The following NALF1 variants were observed in gnomAD, a reference collection of about 807,000 sequenced individuals.
NALF1 encodes the protein NALCN channel auxiliary factor 1.
Under a neutral mutation model 48.4 loss-of-function variants are expected in NALF1, and 3 were observed. The ratio of observed to expected loss-of-function variants is 0.06; its 90% CI spans 0.03 to 0.16. NALF1 has a LOEUF of 0.16. Ranked by LOEUF, NALF1 falls within the 10% of genes least tolerant of loss-of-function variation. The pLI, the probability that NALF1 is intolerant of heterozygous loss-of-function variation, is 1.00. For synonymous variants in NALF1, 262 were observed against 245.7 expected (o/e 1.07, Z -0.62); for missense variants, 526 against 571.5 (o/e 0.92, Z 0.81).
At chr13:107,405,064 C>T (rs543362103) in intron 1 of NALF1, among the ~76,000 whole-genome samples, 1 of 152,118 alleles carries the variant, frequency 6.6e-6, no homozygotes, top group Admixed American at 6.6e-5. Context: ...AGGATCTGTG[C>T]ACTTTATAAT....
intron 1 of NALF1, among the ~76,000 whole-genome samples, chr13:107,819,701 C>G (rs926328756): frequency 6.0e-5 from 9 of 149,998 alleles, no homozygotes; most frequent in African/African-American, 2.2e-4. Context: ...CTCTCTCTCT[C>G]TCTCTCTCTC....
At chr13:107,696,623 A>C (rs1460520156) in intron 1 of NALF1, among the ~76,000 whole-genome samples, 1 of 152,056 alleles carries the variant, frequency 6.6e-6, no homozygotes, top group Non-Finnish European at 1.5e-5. Context: ...GTATATACAC[A>C]AAATATCAGA....
chr13:107,441,526 C>T (rs968752429), intron 1 of NALF1, among the ~76,000 whole-genome samples: 5 of 152,292 alleles, frequency 3.3e-5, no homozygotes, highest in Middle Eastern at 3.4e-3. Context: ...GTCAAAGATT[C>T]ACTCCCTGTG....
intron 1 of NALF1, among the ~76,000 whole-genome samples, chr13:107,243,496 C>G (rs1480769566): frequency 1.3e-5 from 2 of 152,164 alleles, no homozygotes; most frequent in African/African-American, 4.8e-5. Context: ...TGCCTGTCCC[C>G]ATCCAAACCC....
At chr13:107,737,756 A>G (rs1876508907) in intron 1 of NALF1, among the ~76,000 whole-genome samples, 1 of 152,212 alleles carries the variant, frequency 6.6e-6, no homozygotes, top group Admixed American at 6.5e-5. Flanking sequence ...TCAGTTAGCT[A>G]TAAACTGTTG....
chr13:107,471,285 T>A (rs1415272507), intron 1 of NALF1, among the ~76,000 whole-genome samples: 1 of 151,552 alleles, frequency 6.6e-6, no homozygotes, highest in South Asian at 2.1e-4. Context: ...AAAATGCTAA[T>A]TTATCTACCA....
chr13:107,483,784 G>A (rs1249649830), intron 1 of NALF1, among the ~76,000 whole-genome samples: 1 of 132,760 alleles, frequency 7.5e-6, no homozygotes. Context: ...TATTCAAAAT[G>A]TCAGCAATCT....
rs1877823197 is a variant in NALF1 at position 107,566,806 on chromosome 13, A to T, written c.915+298876T>A. Among the ~76,000 whole-genome samples the T allele has an allele frequency of 2.0e-5, 3 of 152,212 alleles. No homozygotes were observed. In the South Asian group the frequency reaches 6.2e-4, roughly 32 times the overall value. On this transcript the variant is annotated intron_variant, in intron 1 of 2. Transcript: ENST00000375915. ...GAGCTGTGTGAACAGAGTGGATTTG[A>T]CATTTGCAGGCATGATCCACTTTTT...
At chr13:107,828,361 G>T (rs1879584244) in intron 1 of NALF1, among the ~76,000 whole-genome samples, 1 of 152,108 alleles carries the variant, frequency 6.6e-6, no homozygotes, top group Non-Finnish European at 1.5e-5. Context: ...AAAGGCTTCA[G>T]GTCAGGCCCT....
chr13:107,842,100 T>A (rs557773756), intron 1 of NALF1, among the ~76,000 whole-genome samples: 1 of 152,152 alleles, frequency 6.6e-6, no homozygotes, highest in Admixed American at 6.5e-5. Context: ...CAATTTAACC[T>A]CGATGTGTAT....
At chr13:107,656,105 G>C (rs1880566770) in intron 1 of NALF1, among the ~76,000 whole-genome samples, 1 of 151,480 alleles carries the variant, frequency 6.6e-6, no homozygotes, top group Non-Finnish European at 1.5e-5. Context: ...CTTAGGCAAA[G>C]GCTTCATGAC....
chr13:107,399,731 G>C (rs1232078143), intron 1 of NALF1, among the ~76,000 whole-genome samples: 2 of 152,052 alleles, frequency 1.3e-5, no homozygotes, highest in African/African-American at 4.8e-5. Flanking sequence ...ACGAGTAGCA[G>C]AATACTCTAA....
At chr13:107,414,181 T>TTCC (rs1884044007) in intron 1 of NALF1, among the ~76,000 whole-genome samples, 2 of 151,206 alleles carry the variant, frequency 1.3e-5, no homozygotes, top group Non-Finnish European at 3.0e-5. Flanking sequence ...AAAAAACTTC[T>TTCC]CTTATTGAAA....
chr13:107,477,896 T>C (rs1885197240), intron 1 of NALF1, among the ~76,000 whole-genome samples: 1 of 152,100 alleles, frequency 6.6e-6, no homozygotes, highest in South Asian at 2.1e-4. Context: ...AAGATAGAAC[T>C]TCTATCTCCC....
chr13:107,347,606 GA>G (rs1422760828), intron 1 of NALF1, among the ~76,000 whole-genome samples: 1 of 152,182 alleles, frequency 6.6e-6, no homozygotes, highest in African/African-American at 2.4e-5. Flanking sequence ...CAATGAGCAT[GA>G]AATGCCCAAC....
At chr13:107,188,027 G>A (rs886218928) in intron 2 of NALF1, among the ~76,000 whole-genome samples, 4 of 151,970 alleles carry the variant, frequency 2.6e-5, no homozygotes, top group African/African-American at 9.7e-5. Flanking sequence ...CAGAGAGACG[G>A]GAGGTAAAAT....
intron 1 of NALF1, among the ~76,000 whole-genome samples, chr13:107,652,611 T>C (rs1880475161): frequency 6.6e-6 from 1 of 152,094 alleles, no homozygotes; most frequent in African/African-American, 2.4e-5. Flanking sequence ...AATCCCATCC[T>C]AATATCCCCC....
intron 1 of NALF1, among the ~76,000 whole-genome samples, chr13:107,539,058 C>A (rs1025838232): frequency 1.3e-5 from 2 of 149,984 alleles, no homozygotes; most frequent in African/African-American, 5.1e-5. Context: ...GTAAACAACA[C>A]ACATGTGAAC....
chr13:107,164,613 T>C lies in NALF1; in HGVS notation c.*5884A>G, dbSNP rs914172631. ...GTAGAACCACTTCAATTTGTGTAGA[T>C]GCCTTTAACTTTTGCTTGTCAGTAG... On this transcript the variant is annotated 3_prime_UTR_variant, in exon 3 of 3. Coordinates refer to ENST00000375915, the MANE Select transcript of NALF1 (RefSeq NM_001080396.3). 5 of 152,090 alleles carry C rather than the reference T, an allele frequency of 3.3e-5. No individual in the cohort carries two copies. Among genetic ancestry groups the C allele is most frequent in the African/African-American group, 1.2e-4 (5 of 41,400 alleles). The allele number at this position is 152,090 out of a possible 1,614,324, so 9.4% of individuals were successfully genotyped here. A position where few individuals can be genotyped will look rare whatever the true frequency, so the allele number is the denominator to read the frequency against.
Sources: allele counts gnomAD v4.1 joint callset (sites outside exome capture counted in the v4.1 genomes callset), GRCh38; gene constraint gnomAD v4.1.1; transcripts MANE v1.5; gene names NCBI Gene and HGNC (gene_info 2026-07-23, HGNC 2026-07-21).